Variants in ARHGAP24 observed in about 807,000 individuals in gnomAD.
The protein encoded by ARHGAP24 is Rho GTPase activating protein 24, also known as rho GTPase-activating protein 24.
ARHGAP24 carries 50 observed loss-of-function variants against 76.4 expected under a neutral mutation model. The observed-to-expected ratio is 0.65, with a 90% CI of 0.52 to 0.83. The LOEUF is 0.83. Among genes scored for constraint, ARHGAP24 ranks in the 40% least tolerant of loss-of-function variants. ARHGAP24 has a pLI of 0.00. For missense variants in ARHGAP24, 930 were observed against 914.2 expected (o/e 1.02, Z -0.22); for synonymous variants, 345 against 323.3 (o/e 1.07, Z -0.72).
intron 2 of ARHGAP24, among the ~76,000 whole-genome samples, chr4:85,595,616 A>T (rs1719788934): frequency 6.6e-6 from 1 of 152,092 alleles, no homozygotes; most frequent in Admixed American, 6.6e-5. Flanking sequence ...ATGCTGTTAG[A>T]TAACCAGGAT....
intron 1 of ARHGAP24, among the ~76,000 whole-genome samples, chr4:85,563,328 C>T (rs1726673714): frequency 6.6e-6 from 1 of 152,156 alleles, no homozygotes; most frequent in African/African-American, 2.4e-5. Flanking sequence ...TCTGACAGTT[C>T]TGGAGGCAGG....
At chr4:85,560,773 A>G (rs1028160145) in intron 1 of ARHGAP24, among the ~76,000 whole-genome samples, 4 of 152,206 alleles carry the variant, frequency 2.6e-5, no homozygotes, top group African/African-American at 4.8e-5. Context: ...ACAAATGGCA[A>G]TCCACTTGGT....
chr4:85,922,401 G>C (rs1735774291), intron 3 of ARHGAP24, among the ~76,000 whole-genome samples: 1 of 152,190 alleles, frequency 6.6e-6, no homozygotes, highest in Non-Finnish European at 1.5e-5. Context: ...TTGTAAACTG[G>C]AGCCTGTAAA....
rs1739332551 is a variant in ARHGAP24, at chr4:85,976,428, TC to T, written c.807-1141del. ...TCCCCCCTCTGGTACCACATGACTC[TC>T]ATCTGTAAAACAGAGACAATAATGG... is the stretch of plus-strand genomic sequence containing the variant. On this transcript the variant is annotated intron_variant, in intron 7 of 9. Transcript: ENST00000395184. Among the ~76,000 whole-genome samples, 3 of 152,228 alleles carry T rather than the reference TC, an allele frequency of 2.0e-5. No homozygotes were observed. The South Asian group carries it at 6.2e-4, about 32-fold the overall frequency.
At chr4:85,563,338 G>A (rs1000276115) in intron 1 of ARHGAP24, among the ~76,000 whole-genome samples, 1 of 152,144 alleles carries the variant, frequency 6.6e-6, no homozygotes, top group Admixed American at 6.5e-5. Flanking sequence ...CTGGAGGCAG[G>A]GAAGTCTAAG....
At chr4:85,720,709 C>A (rs1416894413) in intron 2 of ARHGAP24, among the ~76,000 whole-genome samples, 1 of 152,042 alleles carries the variant, frequency 6.6e-6, no homozygotes, top group Non-Finnish European at 1.5e-5. Flanking sequence ...TTGGATAAAT[C>A]TTTTTAAAAA....
chr4:85,727,845 A>G (rs1371083124), intron 3 of ARHGAP24, among the ~76,000 whole-genome samples: 4 of 152,168 alleles, frequency 2.6e-5, no homozygotes, highest in Non-Finnish European at 5.9e-5. Context: ...ATCAATATTA[A>G]CTAAAAGTAG....
rs558273380 is a variant in ARHGAP24, at chr4:85,709,510, T to G, written c.181-12375T>G. ...GCACAGTATCTTGTTAAAAAAAACCTCCAGCCATCATCATAACCAGTGATG... is the reference window on the plus strand; with the variant it reads ...GCACAGTATCTTGTTAAAAAAAACCGCCAGCCATCATCATAACCAGTGATG... On this transcript the variant is annotated intron_variant, in intron 2 of 9. Coordinates refer to ENST00000395184, the MANE Select transcript of ARHGAP24 (RefSeq NM_001025616.3). Among the ~76,000 whole-genome samples, 193 of 152,206 alleles carry G rather than the reference T, an allele frequency of 1.3e-3. 8 individuals carry two copies. The South Asian group carries it at 0.038, about 30-fold the overall frequency.
intron 1 of ARHGAP24, among the ~76,000 whole-genome samples, chr4:85,534,420 C>T (rs966125111): frequency 2.0e-5 from 3 of 152,220 alleles, no homozygotes; most frequent in Admixed American, 6.5e-5. Context: ...CTGGCATTCT[C>T]ACCAGGTCTC....
intron 4 of ARHGAP24, chr4:85,930,929 C>T (rs201425808): frequency 1.2e-5 from 20 of 1,613,854 alleles, no homozygotes; most frequent in African/African-American, 2.7e-5. Context: ...CAGGCCTGTA[C>T]GATGCCTGAA....
chr4:85,763,702 T>A (rs534743383), intron 3 of ARHGAP24, among the ~76,000 whole-genome samples: 1 of 152,220 alleles, frequency 6.6e-6, no homozygotes, highest in East Asian at 1.9e-4. Flanking sequence ...TAGTAATTCA[T>A]TTATTTCTTT....
chr4:85,895,174 GA>G (rs1311840379), intron 3 of ARHGAP24, among the ~76,000 whole-genome samples: 2 of 151,734 alleles, frequency 1.3e-5, no homozygotes. Flanking sequence ...CATGTAACCA[GA>G]AACCACCTGT....
At position 85,872,613 on chromosome 4, in the gene ARHGAP24, T is replaced by G. The variant is rs796385597; in HGVS notation, c.269-51035T>G. ...ATCTGGCCTTTTTTTTTTTTTTTTT[T>G]TTTTGACAGGGTCTCACTCTGTCAC... On this transcript the variant is annotated intron_variant, in intron 3 of 9. Transcript: ENST00000395184. 4.5e-3 allele frequency among the ~76,000 whole-genome samples: 661 copies of G among 145,326 alleles called. 6 individuals are homozygous for G. Among genetic ancestry groups the G allele is most frequent in the African/African-American group, 0.016 (615 of 38,728 alleles).
At chr4:85,552,242 A>T (rs184796549) in intron 1 of ARHGAP24, among the ~76,000 whole-genome samples, 1 of 152,280 alleles carries the variant, frequency 6.6e-6, no homozygotes, top group Admixed American at 6.5e-5. Context: ...CATTACAGTC[A>T]AGGAATTTCA....
intron 1 of ARHGAP24, among the ~76,000 whole-genome samples, chr4:85,567,538 C>G (rs1726897191): frequency 6.6e-6 from 1 of 152,146 alleles, no homozygotes; most frequent in Non-Finnish European, 1.5e-5. Context: ...GATCATGTTT[C>G]AAAGGGAGAT....
chr4:85,955,377 A>C (rs528506751), intron 5 of ARHGAP24, among the ~76,000 whole-genome samples: 1 of 152,232 alleles, frequency 6.6e-6, no homozygotes, highest in South Asian at 2.1e-4. Flanking sequence ...CTGGGTAGCT[A>C]AAAACAAAAC....
At chr4:85,617,566 A>T (rs954233950) in intron 2 of ARHGAP24, among the ~76,000 whole-genome samples, 6 of 152,170 alleles carry the variant, frequency 3.9e-5, no homozygotes, top group African/African-American at 1.4e-4. Context: ...ACAGTTATAT[A>T]CCAATTTAGC....
intron 3 of ARHGAP24, among the ~76,000 whole-genome samples, chr4:85,895,757 T>G (rs1485312423): frequency 6.6e-6 from 1 of 152,174 alleles, no homozygotes; most frequent in African/African-American, 2.4e-5. Context: ...TTACACTACT[T>G]GCACGTAGCA....
At chr4:85,922,395 A>G (rs1216550106) in intron 3 of ARHGAP24, among the ~76,000 whole-genome samples, 1 of 152,212 alleles carries the variant, frequency 6.6e-6, no homozygotes, top group Non-Finnish European at 1.5e-5. Context: ...TGCCTGTTGT[A>G]AACTGGAGCC....
Sources: allele counts gnomAD v4.1 joint callset (sites outside exome capture counted in the v4.1 genomes callset), GRCh38; gene constraint gnomAD v4.1.1; transcripts MANE v1.5; gene names NCBI Gene and HGNC (gene_info 2026-07-23, HGNC 2026-07-21).